TNIK: variants seen among roughly 807,000 people sequenced by gnomAD.
The protein encoded by TNIK is TRAF2 and NCK-interacting protein kinase.
Under a neutral mutation model 191.3 loss-of-function variants are expected in TNIK, and 49 were observed. The observed-to-expected ratio is 0.26, with a 90% CI of 0.20 to 0.32. The LOEUF is 0.32. Ranked by LOEUF, TNIK falls within the 10% of genes least tolerant of loss-of-function variation. TNIK has a pLI of 1.00. For synonymous variants in TNIK, 594 were observed against 600.9 expected (o/e 0.99, Z 0.17); for missense variants, 1,155 against 1,702.3 (o/e 0.68, Z 5.66).
At chr3:171,217,089 A>G (rs1577147867) in intron 3 of TNIK, among the ~76,000 whole-genome samples, 1 of 152,164 alleles carries the variant, frequency 6.6e-6, no homozygotes, top group African/African-American at 2.4e-5. Flanking sequence ...CCAAAAAAAT[A>G]CTTGCACTCA....
chr3:171,153,431 G>A (rs1000604184), intron 12 of TNIK, among the ~76,000 whole-genome samples: 3 of 152,048 alleles, frequency 2.0e-5, no homozygotes, highest in African/African-American at 7.2e-5. Flanking sequence ...TACTATTACT[G>A]TTGGCTGCTC....
chr3:171,101,344 G>A lies in TNIK; in HGVS notation c.2591+105C>T, dbSNP rs928965969. 9 of 1,285,004 alleles carry A rather than the reference G, an allele frequency of 7.0e-6. No homozygotes were observed. In the Middle Eastern group the frequency reaches 7.8e-4, roughly 111 times the overall value. 79.6% of individuals were successfully genotyped at this position (1,285,004 alleles called of 1,614,324 possible). On this transcript the variant is annotated intron_variant, in intron 22 of 32. Transcript: ENST00000436636. Reference sequence around the variant, plus strand: ...CAAGTCCCGAAAGTCAATTTATCTTGCCACAGACCCATATACAATCTTACA... The same window carrying A: ...CAAGTCCCGAAAGTCAATTTATCTTACCACAGACCCATATACAATCTTACA...
chr3:171,229,483 G>T (rs1199203655), intron 2 of TNIK, among the ~76,000 whole-genome samples: 1 of 152,230 alleles, frequency 6.6e-6, no homozygotes, highest in Non-Finnish European at 1.5e-5. Context: ...TGAAGTTGGT[G>T]AAAATGTGCT....
intron 27 of TNIK, 65 bp downstream of exon 27, chr3:171,082,186 C>T (rs2108366415): frequency 6.4e-7 from 1 of 1,562,508 alleles, no homozygotes; most frequent in Non-Finnish European, 8.7e-7. Flanking sequence ...ACTGTTTCTG[C>T]AGAAATGAGG....
chr3:171,303,095 C>G (rs1352198211), intron 2 of TNIK, among the ~76,000 whole-genome samples: 1 of 152,116 alleles, frequency 6.6e-6, no homozygotes, highest in Non-Finnish European at 1.5e-5. Flanking sequence ...TTTATAAAGT[C>G]AAGCAAAATA....
At chr3:171,383,918 T>A (rs1171877651) in intron 1 of TNIK, among the ~76,000 whole-genome samples, 3 of 152,160 alleles carry the variant, frequency 2.0e-5, no homozygotes, top group Non-Finnish European at 2.9e-5. Flanking sequence ...TCCCAGTGGT[T>A]CCCCGGTCTA....
At chr3:171,069,069 C>A in intron 29 of TNIK, 72 bp from the exon 30 acceptor site, 2 of 1,497,404 alleles carry the variant, frequency 1.3e-6, no homozygotes, top group Non-Finnish European at 1.8e-6. Flanking sequence ...TAGCCACTGT[C>A]TAGAGGAAGT....
At chr3:171,443,498 C>A (rs977006153) in intron 1 of TNIK, among the ~76,000 whole-genome samples, 1 of 152,110 alleles carries the variant, frequency 6.6e-6, no homozygotes, top group Non-Finnish European at 1.5e-5. Context: ...CAAATGATGT[C>A]ATTCATTGTC....
Position 171,071,326 on chromosome 3 carries a change from G to A in TNIK, c.3449-3C>T. The A allele has an allele frequency of 1.3e-6, 2 of 1,563,814 alleles. No homozygotes were observed. Among genetic ancestry groups the A allele is most frequent in the South Asian group, 2.4e-5 (2 of 83,440 alleles). On this transcript the variant is annotated splice_region_variant and splice_polypyrimidine_tract_variant and intron_variant, in intron 28 of 32. Coordinates refer to ENST00000436636, the MANE Select transcript of TNIK (RefSeq NM_015028.4). ...AAATTTGATCCTTTCATATTTAACTGTAATAGAAAAATTATGAGTGAAAAA... is the reference window on the plus strand; with the variant it reads ...AAATTTGATCCTTTCATATTTAACTATAATAGAAAAATTATGAGTGAAAAA...
chr3:171,194,577 C>T lies in TNIK; in HGVS notation c.365G>A (p.Gly122Asp). The change falls in exon 5 of 33, where the codon GGT (glycine) becomes GAT (aspartate). Residue 122 changes from glycine to aspartate, a missense_variant. Around this residue, in one of 3 missense-constraint regions of TNIK, gnomAD observed 225 missense variants for 438.9 expected, o/e 0.51. Coordinates refer to ENST00000436636, the MANE Select transcript of TNIK (RefSeq NM_015028.4). The stretch of plus-strand genomic sequence containing the variant: ...AATCCACTCCTCTTTCAACGTGTTA[C>T]CTTTTGTGTTCTTGATCAGGTCGGT... ...SVTDLIKNTK[G>D]NTLKEEWIAY... 2 of 1,613,954 alleles carry T rather than the reference C, an allele frequency of 1.2e-6. No homozygotes were observed. Among genetic ancestry groups the T allele is most frequent in the Non-Finnish European group, 1.7e-6 (2 of 1,179,870 alleles).
chr3:171,152,667 G>C (rs1732602841), intron 12 of TNIK, among the ~76,000 whole-genome samples: 1 of 152,136 alleles, frequency 6.6e-6, no homozygotes, highest in Non-Finnish European at 1.5e-5. Context: ...TCCAAGTGCA[G>C]ATCTACTGAC....
chr3:171,163,306 C>T lies in TNIK; in HGVS notation c.950-1970G>A, dbSNP rs552596542. Among the ~76,000 whole-genome samples, 66 of 152,258 alleles carry T rather than the reference C, an allele frequency of 4.3e-4. 1 individual carries two copies. In the South Asian group the frequency reaches 0.014, roughly 31 times the overall value. On this transcript the variant is annotated intron_variant, in intron 10 of 32. Transcript: ENST00000436636. The stretch of plus-strand genomic sequence containing the variant: ...TCACATTACTCCTATCTCTTCATAG[C>T]TGTAGGTTAATAATTACAACCTTGA...
chr3:171,098,024 T>C (rs1272530623), intron 22 of TNIK, among the ~76,000 whole-genome samples: 2 of 152,196 alleles, frequency 1.3e-5, no homozygotes, highest in African/African-American at 2.4e-5. Flanking sequence ...GAATTCTAAA[T>C]AAATTATGTA....
At chr3:171,257,955 G>T (rs773742155) in intron 2 of TNIK, among the ~76,000 whole-genome samples, 19 of 152,176 alleles carry the variant, frequency 1.2e-4, no homozygotes, top group Non-Finnish European at 2.2e-4. Flanking sequence ...AAGTCACAGA[G>T]CCTTTTATGG....
intron 1 of TNIK, among the ~76,000 whole-genome samples, chr3:171,375,432 T>G (rs181438114): frequency 6.6e-6 from 1 of 152,214 alleles, no homozygotes; most frequent in African/African-American, 2.4e-5. Flanking sequence ...GTCAGGTATT[T>G]ATGGACAAAA....
intron 2 of TNIK, among the ~76,000 whole-genome samples, chr3:171,296,434 C>T (rs942855068): frequency 1.3e-5 from 2 of 152,116 alleles, no homozygotes; most frequent in Non-Finnish European, 2.9e-5. Flanking sequence ...GGAGGTTCCC[C>T]AGATAATGTC....
chr3:171,452,252 G>A (rs6772374), intron 1 of TNIK, among the ~76,000 whole-genome samples: 29,543 of 152,134 alleles, frequency 0.19, 4,880 homozygotes, highest in African/African-American at 0.45. Flanking sequence ...AGAAAGGGAT[G>A]TTACGTTCAG....
intron 2 of TNIK, among the ~76,000 whole-genome samples, chr3:171,359,012 G>A (rs765870488): frequency 9.8e-4 from 150 of 152,294 alleles, no homozygotes; most frequent in Middle Eastern, 6.8e-3. Flanking sequence ...AGTTGAGGAT[G>A]ATGAAAAAGT....
chr3:171,353,931 A>AT (rs1163736322), intron 2 of TNIK, among the ~76,000 whole-genome samples: 1 of 152,098 alleles, frequency 6.6e-6, no homozygotes, highest in Non-Finnish European at 1.5e-5. Flanking sequence ...ATTCTGGAGA[A>AT]TTTTTTGTAG....
Sources: allele counts gnomAD v4.1 joint callset (sites outside exome capture counted in the v4.1 genomes callset), GRCh38; gene constraint gnomAD v4.1.1; regional missense constraint gnomAD v4.1.1; transcripts MANE v1.5; gene names NCBI Gene and HGNC (gene_info 2026-07-23, HGNC 2026-07-21).